RNF167: variants seen among roughly 807,000 people sequenced by gnomAD.
RNF167 encodes the protein E3 ubiquitin-protein ligase RNF167.
A neutral mutation model predicts 34.8 loss-of-function variants in RNF167; 19 were observed. The observed-to-expected ratio is 0.55, with a 90% CI of 0.38 to 0.80. RNF167 has a LOEUF of 0.80. Ranked by LOEUF, RNF167 falls within the 30% of genes least tolerant of loss-of-function variation. The pLI is 0.00. For missense variants in RNF167, 464 were observed against 447.0 expected, an observed-to-expected ratio of 1.04 and a Z score of -0.34; for synonymous variants, 200 against 170.4, an observed-to-expected ratio of 1.17 and a Z score of -1.35.
rs1353126987 is a variant in RNF167 at position 4,945,026 on chromosome 17, A to C, written c.*10A>C. On this transcript the variant is annotated 3_prime_UTR_variant, in exon 10 of 10. Coordinates refer to ENST00000262482, the MANE Select transcript of RNF167 (RefSeq NM_015528.3). ...TGTTATCCTGGTCTAATAACCCCCC[A>C]CACATACACCTCTGGTGACCTATTT... 4.6e-6 allele frequency: 7 copies of C among 1,524,042 alleles called. No homozygotes were observed. The highest frequency in any genetic ancestry group is 2.6e-5 in the South Asian group (2 of 77,038). 94.4% of individuals were successfully genotyped at this position (1,524,042 alleles called of 1,614,324 possible).
intron 3 of RNF167, among the ~76,000 whole-genome samples, chr17:4,941,828 A>G (rs566278869): frequency 6.6e-6 from 1 of 152,258 alleles, no homozygotes; most frequent in Admixed American, 6.5e-5. Context: ...GAGGCAGGAG[A>G]ATCACTTGAA....
At position 4,940,758 on chromosome 17, in the gene RNF167, C is replaced by T. The variant is rs527710390; in HGVS notation, c.-152C>T. On this transcript the variant is annotated 5_prime_UTR_variant, in exon 2 of 10. Coordinates refer to ENST00000262482, the MANE Select transcript of RNF167 (RefSeq NM_015528.3). ...TATCTCATTCTTTGAGTTGGTGTTCCTTCCCCGGCGCCCCCATGTAGCTGG... is the reference window on the plus strand; with the variant it reads ...TATCTCATTCTTTGAGTTGGTGTTCTTTCCCCGGCGCCCCCATGTAGCTGG... 4.8e-4 allele frequency: 296 copies of T among 614,454 alleles called. No homozygotes were observed. The highest frequency in any genetic ancestry group is 5.6e-5 in the African/African-American group (3 of 53,704). 38.1% of individuals were successfully genotyped at this position (614,454 alleles called of 1,614,324 possible).
chr17:4,941,678 G>T (rs1970817254), intron 3 of RNF167, among the ~76,000 whole-genome samples: 1 of 152,162 alleles, frequency 6.6e-6, no homozygotes, highest in Non-Finnish European at 1.5e-5. Context: ...AAATTGAAGA[G>T]GCCGGGCGCG....
Position 4,942,425 on chromosome 17 carries a change from A to G in RNF167, c.250A>G (p.Ile84Val). The G allele has an allele frequency of 2.5e-6, 4 of 1,614,064 alleles. No homozygotes were observed. In the African/African-American group the frequency reaches 5.3e-5, roughly 22 times the overall value. ...AGCCCCGGTCAATGGGTCAGTCTTTATTGCGCTGCTTCGAAGATTCGACTG... is the reference window on the plus strand; with the variant it reads ...AGCCCCGGTCAATGGGTCAGTCTTTGTTGCGCTGCTTCGAAGATTCGACTG... ...PPAPVNGSVFIALLRRFDCNF... is the reference protein window; with the variant it reads ...PPAPVNGSVFVALLRRFDCNF... The change falls in exon 4 of 10, where the codon ATT (isoleucine) becomes GTT (valine). Residue 84 changes from isoleucine (I) to valine (V), a missense_variant. Transcript: ENST00000262482.
In RNF167 at chr17:4,940,785, A is replaced by T. The variant is rs547385047; in HGVS notation, c.-125A>T. On this transcript the variant is annotated 5_prime_UTR_variant, in exon 2 of 10. Coordinates refer to ENST00000262482, the MANE Select transcript of RNF167 (RefSeq NM_015528.3). Reference sequence around the variant, plus strand: ...TCCCCGGCGCCCCCATGTAGCTGGGAAGTGGGACCTGGGGGTGGTTGGACC... The same window carrying T: ...TCCCCGGCGCCCCCATGTAGCTGGGTAGTGGGACCTGGGGGTGGTTGGACC... 1 of 783,950 alleles carries T rather than the reference A, an allele frequency of 1.3e-6. No homozygotes were observed. Among genetic ancestry groups the T allele is most frequent in the South Asian group, 2.1e-5 (1 of 48,416 alleles). 48.6% of individuals were successfully genotyped at this position (783,950 alleles called of 1,614,324 possible). A position where few individuals can be genotyped will look rare whatever the true frequency, so the allele number is the denominator to read the frequency against.
intron 3 of RNF167, 140 bp from the exon 4 acceptor site, chr17:4,942,201 G>C (rs1970880418): frequency 1.1e-6 from 1 of 924,036 alleles, no homozygotes; most frequent in South Asian, 1.6e-5. Context: ...GTGATGGTGG[G>C]ATGCTCACTC....
intron 8 of RNF167, chr17:4,944,276 TA>T: frequency 2.1e-6 from 1 of 483,184 alleles, no homozygotes; most frequent in South Asian, 5.0e-5. Flanking sequence ...AGTGCCCGTA[TA>T]AGGCTGTGGC....
intron 3 of RNF167, among the ~76,000 whole-genome samples, chr17:4,941,790 G>C (rs915879347): frequency 1.3e-5 from 2 of 152,088 alleles, no homozygotes; most frequent in African/African-American, 4.8e-5. Context: ...GATGGTGCAC[G>C]CATGTAGTCC....
Position 4,943,178 on chromosome 17 carries a change from G to A in RNF167, c.471-1G>A. 18 of 1,613,658 alleles carry A rather than the reference G, an allele frequency of 1.1e-5. No homozygotes were observed. Among genetic ancestry groups the A allele is most frequent in the Non-Finnish European group, 1.5e-5 (18 of 1,179,762 alleles). ...GCTGAGACTGGTCATCCTTTTCCCA[G>A]GGCTCGGGTGCTTCTGGTTCCAGAC... is the stretch of plus-strand genomic sequence containing the variant. On this transcript the variant is annotated splice_acceptor_variant, in intron 6 of 9. Coordinates refer to ENST00000262482, the MANE Select transcript of RNF167 (RefSeq NM_015528.3). LOFTEE classifies it high-confidence loss of function.
At chr17:4,942,718 G>A in intron 5 of RNF167, 54 bp downstream of exon 5, 3 of 1,600,544 alleles carry the variant, frequency 1.9e-6, no homozygotes, top group Non-Finnish European at 2.6e-6. Flanking sequence ...CAGAGATGGT[G>A]GGAAGGCTGA....
Position 4,945,186 on chromosome 17 carries a change from C to T in RNF167, c.*170C>T, listed in dbSNP as rs1244077984. On this transcript the variant is annotated 3_prime_UTR_variant, in exon 10 of 10. Coordinates refer to ENST00000262482, the MANE Select transcript of RNF167 (RefSeq NM_015528.3). ...GGCAAGCAGAGGGACTGGGTCTTCA[C>T]TTCTTGGGCTAATAAAATTGTTTCT... The T allele has an allele frequency of 3.6e-6, 2 of 551,388 alleles. No individual in the cohort carries two copies. Among genetic ancestry groups the T allele is most frequent in the East Asian group, 3.1e-5 (1 of 32,274 alleles). The allele number at this position is 551,388 out of a possible 1,614,324, so 34.2% of individuals were successfully genotyped here. A position where few individuals can be genotyped will look rare whatever the true frequency, so the allele number is the denominator to read the frequency against.
In RNF167 at chr17:4,941,492, T is replaced by C. The variant is rs369233149; in HGVS notation, c.165+335T>C. On this transcript the variant is annotated intron_variant, in intron 3 of 9. Transcript: ENST00000262482. ...ATATGACTTTGGGCAAGTTAATCTC[T>C]CTGAGCCTTAGTTTGTTTTACTGTA... Among the ~76,000 whole-genome samples, 34 of 152,330 alleles carry C rather than the reference T, an allele frequency of 2.2e-4. No individual in the cohort carries two copies. In the East Asian group the frequency reaches 4.4e-3, roughly 20 times the overall value.
rs765878005 is a variant in RNF167 at position 4,943,253 on chromosome 17, G to T, written c.545G>T (p.Gly182Val). 3.0e-5 allele frequency: 49 copies of T among 1,614,066 alleles called. No homozygotes were observed. Among genetic ancestry groups the T allele is most frequent in the Non-Finnish European group, 3.8e-5 (45 of 1,180,042 alleles). ...YYLIPFTGIV[G>V]LLVLAMGAVM... is the part of the protein sequence containing the mutation. The stretch of plus-strand genomic sequence containing the variant: ...CTCATCCCTTTCACAGGGATTGTGG[G>T]ACTGCTGGTTTTGGCCATGGGAGCA... The change falls in exon 7 of 10, where the codon GGA becomes GTA. Residue 182 changes from glycine to valine, a missense_variant. Gly to Val is a moderately radical substitution (Grantham distance 109). Transcript: ENST00000262482.
chr17:4,943,507 G>C lies in RNF167; in HGVS notation c.658G>C (p.Asp220His), dbSNP rs779860475. 1 of 1,613,256 alleles carries C rather than the reference G, an allele frequency of 6.2e-7. No individual in the cohort carries two copies. Among genetic ancestry groups the C allele is most frequent in the Non-Finnish European group, 8.5e-7 (1 of 1,179,466 alleles). ...KEQLKQIPTH[D>H]YQKGDQYDVC... ...GCAACTGAAACAGATTCCTACACAT[G>C]ACTATCAGAAGGGTGAGGGGGTTAG... Residue 220 changes from aspartate to histidine, a missense_variant, in exon 8 of 10, where the codon GAC (aspartate) becomes CAC (histidine). By Grantham distance (81) the Asp-to-His change is moderately conservative. Coordinates refer to ENST00000262482, the MANE Select transcript of RNF167 (RefSeq NM_015528.3).
At position 4,945,137 on chromosome 17, in the gene RNF167, T is replaced by G; in HGVS notation, c.*121T>G. ...TCTCCCTTACCCACACCTATCCTTTTGAGGGGCTTTGGGGTGGAGCTGGGG... is the reference window on the plus strand; with the variant it reads ...TCTCCCTTACCCACACCTATCCTTTGGAGGGGCTTTGGGGTGGAGCTGGGG... On this transcript the variant is annotated 3_prime_UTR_variant, in exon 10 of 10. Transcript: ENST00000262482. 1.1e-6 allele frequency: 1 copy of G among 910,622 alleles called. No individual in the cohort carries two copies. 56.4% of individuals were successfully genotyped at this position (910,622 alleles called of 1,614,324 possible). A position where few individuals can be genotyped will look rare whatever the true frequency, so the allele number is the denominator to read the frequency against.
intron 8 of RNF167, among the ~76,000 whole-genome samples, chr17:4,944,005 T>A (rs952961328): frequency 2.6e-5 from 4 of 151,938 alleles, no homozygotes; most frequent in Non-Finnish European, 5.9e-5. Context: ...AAAATAATAA[T>A]AAAAATAAAG....
intron 2 of RNF167, 41 bp from the exon 3 acceptor site, chr17:4,941,036 G>A (rs1335017536): frequency 6.2e-7 from 1 of 1,613,854 alleles, no homozygotes; most frequent in Non-Finnish European, 8.5e-7. Context: ...TGAAAGGAAG[G>A]GTTGCAGGCT....
At chr17:4,943,085 AC>A (rs1290246124) in intron 6 of RNF167, 93 bp from the exon 7 acceptor site, 1 of 1,317,380 alleles carries the variant, frequency 7.6e-7, no homozygotes, top group African/African-American at 1.5e-5. Context: ...TCCTGTCCCC[AC>A]CTATGGGCTT....
upstream of RNF167, chr17:4,940,220 C>G: frequency 3.6e-6 from 1 of 278,828 alleles, no homozygotes. Context: ...TTGAAGGTCT[C>G]GCGAGATCGA....
Sources: allele counts gnomAD v4.1 joint callset (sites outside exome capture counted in the v4.1 genomes callset), GRCh38; gene constraint gnomAD v4.1.1; transcripts MANE v1.5; gene names NCBI Gene and HGNC (gene_info 2026-07-23, HGNC 2026-07-21).